Variants in GPR160 observed in about 807,000 individuals in gnomAD.
GPR160 encodes G protein-coupled receptor 160.
A neutral mutation model predicts 2.6 loss-of-function variants in GPR160; 2 were observed. The observed-to-expected ratio is 0.77, with a 90% CI of 0.32 to 2.44. The LOEUF is 2.44. GPR160 is among the 30% of genes most tolerant of loss of function. GPR160 has a pLI of 0.11. For missense variants in GPR160, 351 were observed against 383.6 expected (o/e 0.91, Z 0.71); for synonymous variants, 130 against 132.2 (o/e 0.98, Z 0.12).
intron 2 of GPR160, among the ~76,000 whole-genome samples, chr3:170,045,443 A>AAAAAAAAAAAAAC (rs1559981277): frequency 6.1e-5 from 8 of 131,466 alleles, no homozygotes; most frequent in African/African-American, 2.4e-4. Flanking sequence ...AAAAAAAAAA[A>AAAAAAAAAAAAAC]AAAACCAATT....
chr3:170,045,421 AAAAAAAAAAAAAAAAAAAAAAAAAAAC>A lies in GPR160; in HGVS notation c.-193+6379_-193+6405del, dbSNP rs1374086892. 5.4e-3 allele frequency among the ~76,000 whole-genome samples: 594 copies of A among 110,280 alleles called. 11 individuals are homozygous for A. Among genetic ancestry groups the A allele is most frequent in the African/African-American group, 0.022 (573 of 25,548 alleles). 72.3% of individuals were successfully genotyped at this position (110,280 alleles called of 152,430 possible). A position where few individuals can be genotyped will look rare whatever the true frequency, so the allele number is the denominator to read the frequency against. ...CTACTAAAAATACAAAAAAAAAAAA[AAAAAAAAAAAAAAAAAAAAAAAAAAAC>A]CAATTAGCCAGGGGTGGTGGCACTC... On this transcript the variant is annotated intron_variant, in intron 2 of 3. Transcript: ENST00000355897.
At position 170,084,203 on chromosome 3, in the gene GPR160, G is replaced by GTAT. The variant is rs1406193139; in HGVS notation, c.233_235dup (p.Tyr78dup). 7 of 1,594,878 alleles carry GTAT rather than the reference G, an allele frequency of 4.4e-6. No homozygotes were observed. In the Admixed American group the frequency reaches 7.0e-5, roughly 16 times the overall value. On this transcript the variant is annotated inframe_insertion, in exon 4 of 4. Coordinates refer to ENST00000355897, the MANE Select transcript of GPR160 (RefSeq NM_014373.3). Reference sequence around the variant, plus strand: ...TTTTGGTAAACATTTCCATTATATTGTATTTCAGGGATTTTGTACTTTTAA... The same window carrying GTAT: ...TTTTGGTAAACATTTCCATTATATTGTATTATTTCAGGGATTTTGTACTTTTAA...
chr3:170,044,152 T>G (rs908451942), intron 2 of GPR160, among the ~76,000 whole-genome samples: 10 of 151,670 alleles, frequency 6.6e-5, no homozygotes, highest in Admixed American at 6.6e-5. Context: ...TGGAGAAACC[T>G]CGTCTCTACT....
rs536711258 is a variant in GPR160, at chr3:170,082,762, AT to A, written c.-68-1128del. Among the ~76,000 whole-genome samples, 1,157 of 140,782 alleles carry A rather than the reference AT, an allele frequency of 8.2e-3. 3 individuals carry two copies. The highest frequency in any genetic ancestry group is 0.011 in the Non-Finnish European group (734 of 63,876). The allele number at this position is 140,782 out of a possible 152,430, so 92.4% of individuals were successfully genotyped here. A position where few individuals can be genotyped will look rare whatever the true frequency, so the allele number is the denominator to read the frequency against. ...AGGTGTGCATCACCATGCCCAGGTAATTTTTTTTTTTTTTTGGTAGAGGCAG... is the reference window on the plus strand; with the variant it reads ...AGGTGTGCATCACCATGCCCAGGTAATTTTTTTTTTTTTTGGTAGAGGCAG... On this transcript the variant is annotated intron_variant, in intron 3 of 3. Coordinates refer to ENST00000355897, the MANE Select transcript of GPR160 (RefSeq NM_014373.3).
intron 2 of GPR160, among the ~76,000 whole-genome samples, chr3:170,075,731 G>T (rs1325913677): frequency 6.6e-6 from 1 of 152,200 alleles, no homozygotes; most frequent in Non-Finnish European, 1.5e-5. Flanking sequence ...AATCCTCCAT[G>T]GGCAGAAGCA....
intron 2 of GPR160, among the ~76,000 whole-genome samples, chr3:170,063,798 T>C (rs1158716132): frequency 6.6e-6 from 1 of 152,138 alleles, no homozygotes; most frequent in East Asian, 1.9e-4. Context: ...GCAGTAAGCT[T>C]GTCTTCCCCG....
intron 2 of GPR160, among the ~76,000 whole-genome samples, chr3:170,073,881 A>ATTTTTTT (rs35575462): frequency 6.1e-4 from 50 of 81,882 alleles, no homozygotes; most frequent in South Asian, 1.0e-3. Context: ...TTTAATAGGG[A>ATTTTTTT]TTTTTTTTTT....
chr3:170,084,852 T>TTTAA lies in GPR160; in HGVS notation c.883_886dup (p.Cys296Ter). 3 of 1,610,610 alleles carry TTTAA rather than the reference T, an allele frequency of 1.9e-6. No individual in the cohort carries two copies. Among genetic ancestry groups the TTTAA allele is most frequent in the Non-Finnish European group, 2.5e-6 (3 of 1,177,208 alleles). On this transcript the variant is annotated frameshift_variant, in exon 4 of 4. Transcript: ENST00000355897. LOFTEE classifies it high-confidence loss of function. ...TTTTCTCATTGCTACAGTGTATTGG[T>TTTAA]TTAATTGTCACAAGCTTAATTTAAA...
At chr3:170,042,828 TAAAAA>T (rs763216364) in intron 2 of GPR160, among the ~76,000 whole-genome samples, 2 of 107,992 alleles carry the variant, frequency 1.9e-5, no homozygotes, top group Non-Finnish European at 3.7e-5. Context: ...CTCTCTCTCT[TAAAAA>T]AAAAAAAAAA....
chr3:170,071,850 T>C (rs1004131840), intron 2 of GPR160, among the ~76,000 whole-genome samples: 2 of 152,108 alleles, frequency 1.3e-5, no homozygotes, highest in Admixed American at 6.5e-5. Context: ...TATTTCTGTA[T>C]AGCAACAGAA....
At chr3:170,062,480 G>T in intron 2 of GPR160, 3 of 591,656 alleles carry the variant, frequency 5.1e-6, no homozygotes, top group Non-Finnish European at 9.3e-6. Context: ...AAATGCCAGG[G>T]GAAACCATTA....
intron 2 of GPR160, among the ~76,000 whole-genome samples, chr3:170,064,157 C>T (rs961910465): frequency 6.6e-6 from 1 of 152,262 alleles, no homozygotes; most frequent in East Asian, 1.9e-4. Context: ...CTATTCTAAT[C>T]AAAATTAGAG....
chr3:170,082,988 G>GGTTTTT (rs1012981637), intron 3 of GPR160, among the ~76,000 whole-genome samples: 2 of 135,292 alleles, frequency 1.5e-5, no homozygotes, highest in African/African-American at 5.3e-5. Flanking sequence ...TTTTTTTTTT[G>GGTTTTT]GTTTTTGTTT....
At chr3:170,073,074 G>C (rs1712681054) in intron 2 of GPR160, among the ~76,000 whole-genome samples, 1 of 152,110 alleles carries the variant, frequency 6.6e-6, no homozygotes, top group African/African-American at 2.4e-5. Context: ...TGTGGTCCCA[G>C]CTACTTGGGA....
intron 2 of GPR160, among the ~76,000 whole-genome samples, chr3:170,078,742 C>T (rs767625122): frequency 3.9e-5 from 6 of 152,100 alleles, no homozygotes; most frequent in Admixed American, 6.5e-5. Context: ...AGCCAGAACA[C>T]GAGCTGTAAC....
intron 2 of GPR160, 104 bp downstream of exon 2, chr3:170,039,147 G>A (rs1289934537): frequency 6.6e-6 from 1 of 151,912 alleles, no homozygotes; most frequent in Non-Finnish European, 1.5e-5. Context: ...TGCTTCGAGT[G>A]AAATGGTTTC....
intron 2 of GPR160, among the ~76,000 whole-genome samples, chr3:170,064,678 C>T (rs1291233525): frequency 1.3e-5 from 2 of 151,988 alleles, no homozygotes; most frequent in African/African-American, 4.8e-5. Flanking sequence ...GCCACCGCGC[C>T]TGGCTAATTT....
intron 2 of GPR160, among the ~76,000 whole-genome samples, chr3:170,079,231 C>G (rs1414331026): frequency 1.3e-5 from 2 of 152,250 alleles, no homozygotes; most frequent in Non-Finnish European, 2.9e-5. Flanking sequence ...CACTGCTTAT[C>G]TGTGTCTGAG....
chr3:170,064,789 A>G (rs1712225225), intron 2 of GPR160, among the ~76,000 whole-genome samples: 1 of 151,956 alleles, frequency 6.6e-6, no homozygotes, highest in Non-Finnish European at 1.5e-5. Flanking sequence ...AAGTGCTGGG[A>G]TTACAGGCGT....
Sources: allele counts gnomAD v4.1 joint callset (sites outside exome capture counted in the v4.1 genomes callset), GRCh38; gene constraint gnomAD v4.1.1; transcripts MANE v1.5; gene names NCBI Gene and HGNC (gene_info 2026-07-23, HGNC 2026-07-21).